NAALADL2: variants seen among roughly 807,000 people sequenced by gnomAD.
NAALADL2 encodes N-acetylated alpha-linked acidic dipeptidase like 2, also known as inactive N-acetylated-alpha-linked acidic dipeptidase-like protein 2.
Under a neutral mutation model 87.2 loss-of-function variants are expected in NAALADL2, and 76 were observed. That is an observed-to-expected ratio of 0.87 (90% CI 0.72 to 1.05). The LOEUF is 1.05. Ranked by LOEUF, NAALADL2 falls within the 50% of genes least tolerant of loss-of-function variation. The pLI, the probability that NAALADL2 is intolerant of heterozygous loss-of-function variation, is 0.00. For synonymous variants in NAALADL2, 354 were observed against 331.0 expected (o/e 1.07, Z -0.75); for missense variants, 1,089 against 945.8 (o/e 1.15, Z -1.99).
intron 11 of NAALADL2, among the ~76,000 whole-genome samples, chr3:175,698,958 C>A (rs2149957528): frequency 6.6e-6 from 1 of 152,082 alleles, no homozygotes; most frequent in Non-Finnish European, 1.5e-5. Flanking sequence ...TATACAACAA[C>A]ACAGTAAGCT....
At chr3:175,665,346 C>A (rs1206734574) in intron 11 of NAALADL2, among the ~76,000 whole-genome samples, 2 of 152,096 alleles carry the variant, frequency 1.3e-5, no homozygotes, top group African/African-American at 4.8e-5. Context: ...TCAGACCAAC[C>A]AACTTTTCGG....
intron 10 of NAALADL2, among the ~76,000 whole-genome samples, chr3:175,595,172 T>C (rs892615624): frequency 1.3e-5 from 2 of 152,124 alleles, no homozygotes; most frequent in East Asian, 3.9e-4. Flanking sequence ...TAAATTTTTG[T>C]ATATAGTTAA....
At chr3:174,509,568 ATTTTTTTTTTTTTTTT>A (rs145219498) in intron 1 of NAALADL2, among the ~76,000 whole-genome samples, 12 of 80,120 alleles carry the variant, frequency 1.5e-4, no homozygotes, top group East Asian at 8.2e-4. Flanking sequence ...CACCCAGCTA[ATTTTTTTTTTTTTTTT>A]TTTTTTTTTT....
chr3:175,013,840 T>G (rs1284271370), intron 1 of NAALADL2, among the ~76,000 whole-genome samples: 1 of 152,106 alleles, frequency 6.6e-6, no homozygotes, highest in East Asian at 1.9e-4. Context: ...GTGCTGATTT[T>G]CATTCCTTAA....
At chr3:174,943,088 G>A (rs569742101) in intron 1 of NAALADL2, among the ~76,000 whole-genome samples, 10 of 152,220 alleles carry the variant, frequency 6.6e-5, no homozygotes, top group Non-Finnish European at 1.3e-4. Context: ...GGTGTGGTCA[G>A]TTGGAAGACA....
At chr3:175,369,341 G>GTGTGTGTA (rs1250099592) in intron 5 of NAALADL2, among the ~76,000 whole-genome samples, 2 of 152,130 alleles carry the variant, frequency 1.3e-5, no homozygotes, top group South Asian at 2.1e-4. Flanking sequence ...CTGTGTGCGT[G>GTGTGTGTA]TGTGTACATA....
chr3:174,627,852 C>T (rs1318291674), intron 2 of NAALADL2, among the ~76,000 whole-genome samples: 3 of 152,118 alleles, frequency 2.0e-5, no homozygotes, highest in Non-Finnish European at 1.5e-5. Flanking sequence ...AGAAAAAAGG[C>T]ACATGTTCTC....
At chr3:174,784,422 G>A (rs1452191358) in intron 3 of NAALADL2, among the ~76,000 whole-genome samples, 4 of 152,084 alleles carry the variant, frequency 2.6e-5, no homozygotes, top group South Asian at 2.1e-4. Flanking sequence ...TACTTCATGA[G>A]TCATAATATA....
At chr3:175,138,534 AATG>A (rs1301182736) in intron 2 of NAALADL2, among the ~76,000 whole-genome samples, 2 of 152,040 alleles carry the variant, frequency 1.3e-5, no homozygotes, top group East Asian at 3.9e-4. Flanking sequence ...TAATGTCAGT[AATG>A]ATGAGATTTT....
chr3:174,749,831 T>C (rs1243219129), intron 3 of NAALADL2, among the ~76,000 whole-genome samples: 1 of 152,180 alleles, frequency 6.6e-6, no homozygotes, highest in Admixed American at 6.6e-5. Flanking sequence ...TAAAATATAT[T>C]TTCTGTCTTG....
intron 2 of NAALADL2, among the ~76,000 whole-genome samples, chr3:174,681,241 A>G (rs189259423): frequency 1.3e-5 from 2 of 152,304 alleles, no homozygotes; most frequent in Non-Finnish European, 2.9e-5. Context: ...GGGGTCCAGA[A>G]TAAACTCAAA....
At chr3:175,207,343 A>T (rs1046516325) in intron 2 of NAALADL2, among the ~76,000 whole-genome samples, 34 of 148,364 alleles carry the variant, frequency 2.3e-4, no homozygotes, top group Middle Eastern at 3.4e-3. Flanking sequence ...TAAGATAATT[A>T]AAAAAAAAGA....
chr3:175,507,651 T>C (rs1730536269), intron 9 of NAALADL2, among the ~76,000 whole-genome samples: 1 of 152,176 alleles, frequency 6.6e-6, no homozygotes, highest in African/African-American at 2.4e-5. Context: ...CTTGAACTCC[T>C]GACCTCAGGT....
At chr3:174,977,491 G>A (rs1480723529) in intron 1 of NAALADL2, among the ~76,000 whole-genome samples, 1 of 152,224 alleles carries the variant, frequency 6.6e-6, no homozygotes, top group Non-Finnish European at 1.5e-5. Context: ...ATAAATTAGT[G>A]TGGTTGAAAA....
intron 8 of NAALADL2, among the ~76,000 whole-genome samples, chr3:175,470,993 T>C (rs1250030409): frequency 1.3e-5 from 2 of 152,190 alleles, no homozygotes; most frequent in Admixed American, 6.5e-5. Context: ...TCAGTAACTC[T>C]AAAATTAAGT....
chr3:175,309,527 T>C (rs1758098830), intron 4 of NAALADL2, among the ~76,000 whole-genome samples: 1 of 151,458 alleles, frequency 6.6e-6, no homozygotes. Context: ...ATTATAAAAT[T>C]GTAGAAAAAA....
At chr3:175,605,316 A>T (rs1254808238) in intron 10 of NAALADL2, among the ~76,000 whole-genome samples, 1 of 152,162 alleles carries the variant, frequency 6.6e-6, no homozygotes, top group Non-Finnish European at 1.5e-5. Flanking sequence ...ATGTTTGCTC[A>T]AATCTACATA....
intron 13 of NAALADL2, among the ~76,000 whole-genome samples, chr3:175,799,777 CTG>C (rs1753917118): frequency 6.6e-6 from 1 of 152,130 alleles, no homozygotes; most frequent in East Asian, 1.9e-4. Flanking sequence ...CAAAAGTTCT[CTG>C]TATAAAAATA....
At chr3:175,040,380 A>G (rs1246470764) in intron 1 of NAALADL2, among the ~76,000 whole-genome samples, 2 of 152,190 alleles carry the variant, frequency 1.3e-5, no homozygotes, top group African/African-American at 2.4e-5. Context: ...CTGACACAAA[A>G]TAGGCAGTCA....
Sources: allele counts gnomAD v4.1 joint callset (sites outside exome capture counted in the v4.1 genomes callset), GRCh38; gene constraint gnomAD v4.1.1; transcripts MANE v1.5; gene names NCBI Gene and HGNC (gene_info 2026-07-23, HGNC 2026-07-21).